The following ATM variants were observed in gnomAD, a reference collection of about 807,000 sequenced individuals.
ATM encodes the protein ATM serine/threonine kinase.
Under a neutral mutation model 387.0 loss-of-function variants are expected in ATM, and 308 were observed. The ratio of observed to expected loss-of-function variants is 0.80; its 90% confidence interval spans 0.73 to 0.87. The LOEUF is 0.87. ATM is among the 40% of genes least tolerant of loss of function. The pLI, the probability that ATM is intolerant of heterozygous loss-of-function variation, is 0.00. For missense variants in ATM, 3,312 were observed against 3,560.9 expected (o/e 0.93, Z 1.78); for synonymous variants, 1,156 against 1,187.3 (o/e 0.97, Z 0.54).
intron 4 of ATM, among the ~76,000 whole-genome samples, chr11:108,231,787 G>T (rs1395102053): frequency 6.6e-6 from 1 of 150,836 alleles, no homozygotes; most frequent in Non-Finnish European, 1.5e-5. Context: ...GAATATTTCA[G>T]ATTGGTGGTA....
At chr11:108,311,278 A>G (rs2084135233) in intron 39 of ATM, among the ~76,000 whole-genome samples, 3 of 152,156 alleles carry the variant, frequency 2.0e-5, no homozygotes, top group Admixed American at 2.0e-4. Context: ...CCTGGTCCCA[A>G]ATTGTTTTTT....
rs1591776885 is a variant in ATM, at chr11:108,315,871, T to C, written c.6055T>C (p.Tyr2019His). ...YRSIGEPDSLYGCGGGKMLQP... is the reference protein window; with the variant it reads ...YRSIGEPDSLHGCGGGKMLQP... ...AAGTATAGGGGAGCCAGATAGTTTG[T>C]ATGGCTGTGGTGGAGGGAAGATGTT... is the stretch of plus-strand genomic sequence containing the variant. Residue 2019 changes from tyrosine to histidine, a missense_variant, in exon 41 of 63, where the codon TAT becomes CAT. By Grantham distance (83) the Tyr-to-His change is moderately conservative. This residue lies in a region of ATM where 1,405 missense variants were observed against 1,604.4 expected (regional missense o/e 0.88). Transcript: ENST00000675843. 1 of 1,613,554 alleles carries C rather than the reference T, an allele frequency of 6.2e-7. No homozygotes were observed. The highest frequency in any genetic ancestry group is 8.5e-7 in the Non-Finnish European group (1 of 1,179,452).
intron 56 of ATM, among the ~76,000 whole-genome samples, chr11:108,341,720 T>C (rs1300281774): frequency 6.6e-6 from 1 of 152,218 alleles, no homozygotes; most frequent in African/African-American, 2.4e-5. Context: ...AAGGGATTTA[T>C]ATGAAGAATA....
intron 15 of ATM, among the ~76,000 whole-genome samples, chr11:108,258,608 A>T (rs2080655817): frequency 6.6e-6 from 1 of 152,194 alleles, no homozygotes; most frequent in Admixed American, 6.5e-5. Context: ...AATAATTGGA[A>T]ATATATTTCA....
intron 23 of ATM, among the ~76,000 whole-genome samples, chr11:108,279,863 A>G (rs1017446868): frequency 3.3e-5 from 5 of 152,160 alleles, no homozygotes; most frequent in East Asian, 1.9e-4. Flanking sequence ...GGGAGTATAA[A>G]TGGCTCCCTT....
chr11:108,301,047 C>T (rs2083404352), intron 34 of ATM, among the ~76,000 whole-genome samples: 1 of 152,044 alleles, frequency 6.6e-6, no homozygotes, highest in Non-Finnish European at 1.5e-5. Flanking sequence ...TGTGCTTGAG[C>T]CACACCACAC....
rs786202473 is a variant in ATM, at chr11:108,293,460, C to G, written c.4759C>G (p.Pro1587Ala). 3.1e-6 allele frequency: 5 copies of G among 1,611,602 alleles called. No homozygotes were observed. The highest frequency in any genetic ancestry group is 4.2e-6 in the Non-Finnish European group (5 of 1,178,392). ...TQQKIKYSRG[P>A]FSLLEEINHF... is the part of the protein sequence containing the mutation. ...GCAAAAAATCAAATACAGTAGAGGA[C>G]CCTTTTCACTCTTGGAGGTAATAAA... The change falls in exon 31 of 63, where the codon CCC (proline) becomes GCC (alanine). Residue 1587 changes from proline to alanine, a missense_variant. Pro to Ala is a conservative substitution (Grantham distance 27, BLOSUM62 -1). Around this residue, in one of 4 missense-constraint regions of ATM, gnomAD observed 1,405 missense variants for 1,604.4 expected, o/e 0.88. Coordinates refer to ENST00000675843, the MANE Select transcript of ATM (RefSeq NM_000051.4).
At chr11:108,332,106 A>G in intron 52 of ATM, 69 bp downstream of exon 52, 1 of 1,576,520 alleles carries the variant, frequency 6.3e-7, no homozygotes, top group Non-Finnish European at 8.6e-7. Context: ...ATTTCTTTTT[A>G]AAATCTTGTG....
chr11:108,240,628 A>G lies in ATM; in HGVS notation c.497-3325A>G, dbSNP rs189735381. On this transcript the variant is annotated intron_variant, in intron 5 of 62. Transcript: ENST00000675843. ...ATGGCAAGTATTTGTGTCTCTAAAC[A>G]TATATAAACATAGAGGAGGTACAGT... is the stretch of plus-strand genomic sequence containing the variant. Among the ~76,000 whole-genome samples, 10 of 152,304 alleles carry G rather than the reference A, an allele frequency of 6.6e-5. No individual in the cohort carries two copies. In the East Asian group the frequency reaches 1.3e-3, roughly 21 times the overall value.
intron 23 of ATM, 62 bp downstream of exon 23, chr11:108,279,670 A>G (rs1409354319): frequency 7.6e-7 from 1 of 1,318,078 alleles, no homozygotes; most frequent in Non-Finnish European, 1.1e-6. Context: ...CCCATAAATT[A>G]CTTCACCAAG....
intron 61 of ATM, 74 bp downstream of exon 61, chr11:108,354,948 G>A (rs2089718242): frequency 8.1e-7 from 1 of 1,236,740 alleles, no homozygotes; most frequent in Non-Finnish European, 1.2e-6. Context: ...GGAAGTCACT[G>A]ATGTGAAGAG....
At chr11:108,315,412 T>C (rs2084537188) in intron 40 of ATM, among the ~76,000 whole-genome samples, 1 of 152,220 alleles carries the variant, frequency 6.6e-6, no homozygotes, top group Non-Finnish European at 1.5e-5. Context: ...GATTTGTGTA[T>C]ATTTTATGGT....
At chr11:108,258,749 A>T (rs1325959059) in intron 15 of ATM, among the ~76,000 whole-genome samples, 1 of 152,204 alleles carries the variant, frequency 6.6e-6, no homozygotes, top group African/African-American at 2.4e-5. Context: ...CTATAATTAT[A>T]GCTCACTTAT....
intron 29 of ATM, among the ~76,000 whole-genome samples, chr11:108,292,335 C>A (rs2082839977): frequency 6.6e-6 from 1 of 152,152 alleles, no homozygotes; most frequent in African/African-American, 2.4e-5. Context: ...CAATATTTTC[C>A]TGATTACTGT....
intron 56 of ATM, among the ~76,000 whole-genome samples, chr11:108,340,602 A>G (rs2087434666): frequency 6.6e-6 from 1 of 152,210 alleles, no homozygotes; most frequent in African/African-American, 2.4e-5. Flanking sequence ...TGTAGATACT[A>G]GAGTTTAAAC....
chr11:108,232,039 A>C (rs2135075595), intron 4 of ATM, among the ~76,000 whole-genome samples: 1 of 152,342 alleles, frequency 6.6e-6, no homozygotes, highest in Non-Finnish European at 1.5e-5. Context: ...AGAGAAAGAT[A>C]ACATGTCAAT....
rs876659764 is a variant in ATM, at chr11:108,289,630, T to C, written c.4265T>C (p.Ile1422Thr). The C allele has an allele frequency of 8.1e-6, 13 of 1,610,152 alleles. No homozygotes were observed. The highest frequency in any genetic ancestry group is 1.1e-5 in the Non-Finnish European group (13 of 1,178,684). Residue 1422 changes from isoleucine (I) to threonine (T), a missense_variant, in exon 29 of 63, where the codon ATA (isoleucine) becomes ACA (threonine). Coordinates refer to ENST00000675843, the MANE Select transcript of ATM (RefSeq NM_000051.4). ...PDSYQKILLA[I>T]CEQAAETNNV... ...TCCTATCAGAAAATTCTTCTTGCCA[T>C]ATGTGAGCAAGCAGCTGAAACAAAT...
chr11:108,329,867 GA>G (rs1308212177), intron 49 of ATM, among the ~76,000 whole-genome samples: 1 of 152,184 alleles, frequency 6.6e-6, no homozygotes, highest in Non-Finnish European at 1.5e-5. Context: ...TATCATAGTG[GA>G]AAAGGAGATA....
At position 108,252,921 on chromosome 11, in the gene ATM, T is replaced by C. The variant is rs1057520836; in HGVS notation, c.1898+9T>C. ...CAAAGCGTGCCAGAATGGTATGTTA[T>C]CTAATAATGCTCTTTATCATTTTAA... On this transcript the variant is annotated intron_variant, in intron 12 of 62. Transcript: ENST00000675843. 9 of 1,589,518 alleles carry C rather than the reference T, an allele frequency of 5.7e-6. No individual in the cohort carries two copies. Among genetic ancestry groups the C allele is most frequent in the Non-Finnish European group, 7.8e-6 (9 of 1,158,616 alleles).
Sources: allele counts gnomAD v4.1 joint callset (sites outside exome capture counted in the v4.1 genomes callset), GRCh38; gene constraint gnomAD v4.1.1; regional missense constraint gnomAD v4.1.1; transcripts MANE v1.5; gene names NCBI Gene and HGNC (gene_info 2026-07-23, HGNC 2026-07-21).